Variants in RECQL observed in about 807,000 individuals in gnomAD.
RECQL encodes ATP-dependent DNA helicase Q1.
RECQL carries 73 observed loss-of-function variants against 75.8 expected under a neutral mutation model. The observed-to-expected ratio is 0.96, with a 90% CI of 0.80 to 1.17. The LOEUF (loss-of-function observed/expected upper bound fraction) is 1.17. Ranked by LOEUF, RECQL falls within the 50% of genes most tolerant of loss-of-function variation. RECQL has a pLI of 0.00. For missense variants in RECQL, 699 were observed against 772.1 expected, an observed-to-expected ratio of 0.91 and a Z score of 1.12; for synonymous variants, 248 against 254.4, an observed-to-expected ratio of 0.97 and a Z score of 0.24.
rs779818561 is a variant in RECQL at position 21,471,032 on chromosome 12, A to C, written c.1734T>G (p.Leu578=). ...SYLKIGPKAN[L]LNNEAHAITM... The stretch of plus-strand genomic sequence containing the variant: ...TAATAGCATGTGCCTCATTGTTCAG[A>C]AGATTAGCTTTAGGTCCTATTTTCA... Residue 578 remains leucine, a synonymous_variant, in exon 14 of 15, where the codon CTT becomes CTG. Coordinates refer to ENST00000444129, the MANE Select transcript of RECQL (RefSeq NM_002907.4). The C allele has an allele frequency of 6.9e-6, 11 of 1,601,812 alleles. No individual in the cohort carries two copies. In the African/African-American group the frequency reaches 1.5e-4, roughly 22 times the overall value.
At position 21,469,372 on chromosome 12, in the gene RECQL, C is replaced by G. The variant is rs1420220014; in HGVS notation, c.*822G>C. ...TTCTTAAAACATGAGATTTTTCTTG[C>G]AATTTTTTTTTTTTTAAGCTCATCA... On this transcript the variant is annotated 3_prime_UTR_variant, in exon 15 of 15. Transcript: ENST00000444129. 2 of 151,516 alleles carry G rather than the reference C, an allele frequency of 1.3e-5. No homozygotes were observed. The highest frequency in any genetic ancestry group is 2.9e-5 in the Non-Finnish European group (2 of 67,954). 9.4% of individuals were successfully genotyped at this position (151,516 alleles called of 1,614,324 possible).
At chr12:21,478,024 T>G in intron 6 of RECQL, 55 bp from the exon 7 acceptor site, 2 of 1,503,758 alleles carry the variant, frequency 1.3e-6, no homozygotes, top group Admixed American at 2.1e-5. Flanking sequence ...TAGAGTAAAT[T>G]ATATCTTTTA....
At chr12:21,499,817 CCA>C (rs1319523089) in intron 1 of RECQL, among the ~76,000 whole-genome samples, 11 of 152,090 alleles carry the variant, frequency 7.2e-5, no homozygotes, top group South Asian at 4.1e-4. Context: ...GCTTAATAAC[CCA>C]CAACACTCAG....
intron 1 of RECQL, 84 bp from the exon 2 acceptor site, chr12:21,499,699 C>T (rs979564665): frequency 2.9e-6 from 2 of 680,952 alleles, no homozygotes; most frequent in Middle Eastern, 2.7e-4. Context: ...TCTGTCATTC[C>T]TAAGCACGGA....
At chr12:21,479,249 ACT>A (rs1943145962) in intron 6 of RECQL, among the ~76,000 whole-genome samples, 1 of 152,000 alleles carries the variant, frequency 6.6e-6, no homozygotes. Flanking sequence ...CCTGACTGAC[ACT>A]GTTATGTACA....
At chr12:21,483,118 G>C (rs1273093683) in intron 6 of RECQL, among the ~76,000 whole-genome samples, 1 of 152,130 alleles carries the variant, frequency 6.6e-6, no homozygotes, top group Non-Finnish European at 1.5e-5. Flanking sequence ...GACTACAGTG[G>C]GGAATGAAAC....
At chr12:21,487,716 A>G (rs111522954) in intron 4 of RECQL, among the ~76,000 whole-genome samples, 5 of 152,176 alleles carry the variant, frequency 3.3e-5, no homozygotes, top group African/African-American at 7.2e-5. Flanking sequence ...GAAAGTTGGT[A>G]TCCCCACAGA....
intron 4 of RECQL, among the ~76,000 whole-genome samples, chr12:21,489,424 T>C (rs181092889): frequency 1.3e-5 from 2 of 152,330 alleles, no homozygotes; most frequent in African/African-American, 4.8e-5. Context: ...TTGTTAGAAA[T>C]GCAGGATCTT....
chr12:21,496,983 A>G (rs1056486042), intron 2 of RECQL, among the ~76,000 whole-genome samples: 2 of 152,256 alleles, frequency 1.3e-5, no homozygotes, highest in Admixed American at 6.5e-5. Flanking sequence ...TAGATGAGTC[A>G]CAACAAAGAT....
At chr12:21,487,380 G>C (rs11612017) in intron 4 of RECQL, among the ~76,000 whole-genome samples, 2 of 151,870 alleles carry the variant, frequency 1.3e-5, no homozygotes, top group Non-Finnish European at 2.9e-5. Flanking sequence ...CATTTATGCT[G>C]AGTAGAAATC....
Position 21,497,157 on chromosome 12 carries a change from G to A in RECQL, c.16+2398C>T, listed in dbSNP as rs574237583. Among the ~76,000 whole-genome samples, 79 of 152,238 alleles carry A rather than the reference G, an allele frequency of 5.2e-4. 1 individual carries two copies. Among genetic ancestry groups the A allele is most frequent in the Admixed American group, 9.8e-4 (15 of 15,294 alleles). ...TGTCATCCGACCCATCAATTCATCA[G>A]GCAGGCCTCCATCATCACAATGGAA... On this transcript the variant is annotated intron_variant, in intron 2 of 14. Coordinates refer to ENST00000444129, the MANE Select transcript of RECQL (RefSeq NM_002907.4).
At chr12:21,493,499 G>C (rs758136141) in intron 2 of RECQL, among the ~76,000 whole-genome samples, 8 of 152,150 alleles carry the variant, frequency 5.3e-5, no homozygotes, top group Non-Finnish European at 1.0e-4. Context: ...TATAGGTACA[G>C]GGCCAATATT....
At chr12:21,487,144 TAAAG>T (rs1418325617) in intron 4 of RECQL, among the ~76,000 whole-genome samples, 1 of 152,092 alleles carries the variant, frequency 6.6e-6, no homozygotes, top group Non-Finnish European at 1.5e-5. Flanking sequence ...CTTATAAAAA[TAAAG>T]ACAGATTTTT....
At chr12:21,485,680 A>C (rs994142289) in intron 5 of RECQL, among the ~76,000 whole-genome samples, 8 of 152,196 alleles carry the variant, frequency 5.3e-5, no homozygotes, top group African/African-American at 1.9e-4. Flanking sequence ...AAGAATTTAC[A>C]ATTAAAATAT....
chr12:21,494,397 G>A (rs749495801), intron 2 of RECQL, among the ~76,000 whole-genome samples: 2 of 152,102 alleles, frequency 1.3e-5, no homozygotes, highest in Non-Finnish European at 2.9e-5. Context: ...ACTGAAACAG[G>A]GTTTATGGAA....
rs937893303 is a variant in RECQL at position 21,499,618 on chromosome 12, A to G, written c.-45-3T>C. The G allele has an allele frequency of 7.9e-6, 12 of 1,518,020 alleles. No homozygotes were observed. The highest frequency in any genetic ancestry group is 1.1e-5 in the Non-Finnish European group (12 of 1,106,484). 94.0% of individuals were successfully genotyped at this position (1,518,020 alleles called of 1,614,324 possible). On this transcript the variant is annotated splice_polypyrimidine_tract_variant and splice_region_variant and intron_variant, in intron 1 of 14. Coordinates refer to ENST00000444129, the MANE Select transcript of RECQL (RefSeq NM_002907.4). ...TCTAAAATAATCCAAATTTCTTTCT[A>G]AAAATAAAAGCACAACAGTGACAAC...
intron 4 of RECQL, among the ~76,000 whole-genome samples, chr12:21,488,511 A>G (rs1186634322): frequency 1.3e-5 from 2 of 152,000 alleles, no homozygotes; most frequent in African/African-American, 4.8e-5. Flanking sequence ...ACATCCTCCT[A>G]CTCATAGGAC....
intron 8 of RECQL, among the ~76,000 whole-genome samples, 165 bp from the exon 9 acceptor site, chr12:21,475,989 C>G (rs865846956): frequency 6.6e-6 from 1 of 151,896 alleles, no homozygotes; most frequent in South Asian, 2.1e-4. Context: ...GGTATAATTC[C>G]AGATTTGAGC....
At chr12:21,484,965 T>C (rs1452048180) in intron 5 of RECQL, among the ~76,000 whole-genome samples, 1 of 152,060 alleles carries the variant, frequency 6.6e-6, no homozygotes, top group African/African-American at 2.4e-5. Context: ...AAAAGTTTAT[T>C]TTTGTAGAAA....
Sources: gnomAD v4.1 joint callset for allele counts (sites outside exome capture counted in the v4.1 genomes callset) on GRCh38, gnomAD v4.1.1 for gene constraint, MANE v1.5 for transcripts, NCBI Gene and HGNC (gene_info 2026-07-23, HGNC 2026-07-21) for gene names.